The following MRPL34 variants were observed in gnomAD, a reference collection of about 807,000 sequenced individuals.
MRPL34 encodes the protein large ribosomal subunit protein bL34m.
MRPL34 carries 8 observed loss-of-function variants against 6.7 expected under a neutral mutation model. The ratio of observed to expected loss-of-function variants is 1.20; its 90% CI spans 0.70 to 2.16. The LOEUF (loss-of-function observed/expected upper bound fraction) is 2.16. MRPL34 is among the 30% of genes most tolerant of loss of function. MRPL34 has a pLI of 0.00. For missense variants in MRPL34, 146 were observed against 125.5 expected (o/e 1.16, Z -0.78); for synonymous variants, 59 against 55.1 (o/e 1.07, Z -0.31).
At chr19:17,301,863 G>C (rs542738769), upstream of MRPL34, among the ~76,000 whole-genome samples, 32 of 151,840 alleles carry the variant, frequency 2.1e-4, 1 homozygote, top group South Asian at 6.6e-3. Flanking sequence ...GCCGGATTTC[G>C]GCTTACTGCA....
upstream of MRPL34, among the ~76,000 whole-genome samples, chr19:17,300,124 T>C: frequency 6.6e-6 from 1 of 152,056 alleles, no homozygotes; most frequent in Admixed American, 6.6e-5. Flanking sequence ...CAGGATGGTC[T>C]CAATCTTCTG....
upstream of MRPL34, among the ~76,000 whole-genome samples, chr19:17,305,398 G>A (rs1331347751): frequency 6.6e-6 from 1 of 152,190 alleles, no homozygotes; most frequent in African/African-American, 2.4e-5. Flanking sequence ...CACGCAGCGA[G>A]CTTGAACTCA....
At chr19:17,295,090 ATTT>A (rs779607230) in intron 1 of MRPL34, among the ~76,000 whole-genome samples, 6 of 80,414 alleles carry the variant, frequency 7.5e-5, no homozygotes, top group African/African-American at 3.0e-4. Flanking sequence ...CACCCAGGTA[ATTT>A]TTTTTTTTTT....
intron 1 of MRPL34, chr19:17,294,637 A>T (rs1295108072): frequency 6.2e-7 from 1 of 1,609,484 alleles, no homozygotes; most frequent in African/African-American, 1.3e-5. Flanking sequence ...TGGGTTCGCC[A>T]GGGCCAGGAT....
chr19:17,297,363 T>C (rs1207601655), intron 1 of MRPL34, among the ~76,000 whole-genome samples: 1 of 152,138 alleles, frequency 6.6e-6, no homozygotes, highest in African/African-American at 2.4e-5. Flanking sequence ...TGGTGCGATC[T>C]CGGCTCACTG....
chr19:17,294,601 C>T, intron 1 of MRPL34: 3 of 1,606,512 alleles, frequency 1.9e-6, no homozygotes, highest in South Asian at 1.1e-5. Context: ...TACAGTCCCC[C>T]CTCCCATCCA....
At chr19:17,299,904 C>G (rs566029851), upstream of MRPL34, among the ~76,000 whole-genome samples, 1 of 140,274 alleles carries the variant, frequency 7.1e-6, no homozygotes, top group Non-Finnish European at 1.5e-5. Context: ...GTGGTGGCCC[C>G]TTTTTTTTTT....
intron 1 of MRPL34, among the ~76,000 whole-genome samples, chr19:17,295,712 T>C (rs995789297): frequency 6.6e-6 from 1 of 151,828 alleles, no homozygotes; most frequent in Non-Finnish European, 1.5e-5. Flanking sequence ...TGGCCTGTTT[T>C]GTTTTTGTTT....
At chr19:17,294,490 C>T (rs868423446) in intron 1 of MRPL34, 1 of 1,613,910 alleles carries the variant, frequency 6.2e-7, no homozygotes, top group South Asian at 1.1e-5. Flanking sequence ...GGCTCCTTGG[C>T]GGGCGAAGCC....
intron 1 of MRPL34, among the ~76,000 whole-genome samples, chr19:17,297,348 T>G (rs1192863515): frequency 2.0e-5 from 3 of 151,914 alleles, no homozygotes; most frequent in Non-Finnish European, 4.4e-5. Flanking sequence ...CAGGCTGGAG[T>G]GCAATGGTGC....
At position 17,305,872 on chromosome 19, in the gene MRPL34, A is replaced by G; in HGVS notation, c.-21A>G. 1.2e-6 allele frequency: 2 copies of G among 1,612,346 alleles called. No individual in the cohort carries two copies. Among genetic ancestry groups the G allele is most frequent in the Non-Finnish European group, 1.7e-6 (2 of 1,178,470 alleles). ...GGCTCCGGAATCGCCCGCAGCCGGTACTGCGGGACCCACTGCGGATATGGC... is the reference window on the plus strand; with the variant it reads ...GGCTCCGGAATCGCCCGCAGCCGGTGCTGCGGGACCCACTGCGGATATGGC... On this transcript the variant is annotated 5_prime_UTR_variant, in exon 1 of 2. Coordinates refer to ENST00000252602, the MANE Select transcript of MRPL34 (RefSeq NM_023937.4).
intron 1 of MRPL34, chr19:17,292,927 A>G (rs556357813): frequency 7.4e-7 from 1 of 1,357,724 alleles, no homozygotes; most frequent in African/African-American, 1.4e-5. Context: ...GGCCCACAGC[A>G]TCCAAAAGTC....
chr19:17,294,950 GT>G, intron 1 of MRPL34: 1 of 1,353,814 alleles, frequency 7.4e-7, no homozygotes, highest in Non-Finnish European at 1.0e-6. Flanking sequence ...GTTTGAGACA[GT>G]TTTACTCTGT....
chr19:17,304,207 A>G (rs983276170), upstream of MRPL34, among the ~76,000 whole-genome samples: 10 of 152,210 alleles, frequency 6.6e-5, no homozygotes, highest in Non-Finnish European at 2.9e-5. Context: ...AGAAGGGCTG[A>G]TAGCAAGAGG....
chr19:17,301,091 C>A (rs755933630), upstream of MRPL34: 1 of 1,613,488 alleles, frequency 6.2e-7, no homozygotes, highest in African/African-American at 1.3e-5. Flanking sequence ...AAGAGCACCA[C>A]GTCGGCCTGG....
intron 1 of MRPL34, among the ~76,000 whole-genome samples, chr19:17,297,419 CCA>C (rs764077377): frequency 4.9e-4 from 74 of 152,114 alleles, no homozygotes; most frequent in Non-Finnish European, 8.2e-4. Flanking sequence ...CCTCAGCCTC[CCA>C]AGTAGCTGGG....
At chr19:17,303,768 TACTCTTCTCTCTGTATTGACCTTTCC>T (rs939258955), upstream of MRPL34, among the ~76,000 whole-genome samples, 2 of 152,154 alleles carry the variant, frequency 1.3e-5, no homozygotes, top group Admixed American at 1.3e-4. Context: ...GAGGCCCCCA[TACTCTTCTCTCTGTATTGACCTTTCC>T]ATTCTAGAAG....
At chr19:17,301,538 C>A (rs142856821), upstream of MRPL34, 1 of 1,609,698 alleles carries the variant, frequency 6.2e-7, no homozygotes, top group African/African-American at 1.3e-5. Flanking sequence ...CTGGACTCGA[C>A]GCTCTCCAGT....
chr19:17,292,620 T>G, exon 1 of MRPL34: 1 of 1,566,244 alleles, frequency 6.4e-7, no homozygotes, highest in Non-Finnish European at 8.6e-7. Context: ...CTCCTCCTGC[T>G]GCGGCTGTGC....
Sources: allele counts gnomAD v4.1 joint callset (sites outside exome capture counted in the v4.1 genomes callset), GRCh38; gene constraint gnomAD v4.1.1; transcripts MANE v1.5; gene names NCBI Gene and HGNC (gene_info 2026-07-23, HGNC 2026-07-21).